The following ZNF687 variants were observed in gnomAD, a reference collection of about 807,000 sequenced individuals.
ZNF687 encodes the protein zinc finger protein 687.
In ZNF687, 13 loss-of-function variants were observed where a neutral mutation model predicts 71.8. The observed-to-expected ratio is 0.18, with a 90% CI of 0.12 to 0.29. The LOEUF is 0.29. Ranked by LOEUF, ZNF687 falls within the 10% of genes least tolerant of loss-of-function variation. The probability of loss-of-function intolerance (pLI) is 1.00; values close to 1 mark genes in which losing one functional copy is unlikely to be tolerated. For synonymous variants in ZNF687, 673 were observed against 641.6 expected, an observed-to-expected ratio of 1.05 and a Z score of -0.74; for missense variants, 1,412 against 1,625.6, an observed-to-expected ratio of 0.87 and a Z score of 2.26.
Position 151,289,831 on chromosome 1 carries a change from GA to G in ZNF687, c.2790del (p.Val931TyrfsTer18). The G allele has an allele frequency of 1.3e-6, 2 of 1,569,492 alleles. No individual in the cohort carries two copies. The highest frequency in any genetic ancestry group is 1.7e-6 in the Non-Finnish European group (2 of 1,156,636). On this transcript the variant is annotated frameshift_variant, in exon 6 of 9. Coordinates refer to ENST00000336715, the MANE Select transcript of ZNF687 (RefSeq NM_020832.3). LOFTEE classifies it high-confidence loss of function. ...EESSSSSEEE[E>X]VPSSPEPPRP... ...GTCGTCTTCATCTTCAGAAGAGGAG[GA>G]AGTACCCAGCTCCCCTGAGCCCCCC...
At chr1:151,290,258 C>T (rs375539369) in intron 7 of ZNF687, 24 bp downstream of exon 7, 117 of 1,612,514 alleles carry the variant, frequency 7.3e-5, no homozygotes, top group Non-Finnish European at 9.3e-5. Context: ...CCCGCTTCCT[C>T]TTCCTGCCCA....
rs763426689 is a variant in ZNF687 at position 151,288,209 on chromosome 1, A to G, written c.1918A>G (p.Ile640Val). ...LPALGKGEGA[I>V]TSSAITTVAA... ...TGCCTTGGGCAAGGGTGAGGGGGCC[A>G]TCACCTCCTCTGCCATTACTACAGT... The change falls in exon 2 of 9, where the codon ATC becomes GTC. Residue 640 changes from isoleucine (I) to valine (V), a missense_variant. Transcript: ENST00000336715. 8.1e-6 allele frequency: 13 copies of G among 1,613,658 alleles called. No individual in the cohort carries two copies. The African/African-American group carries it at 1.1e-4, about 13-fold the overall frequency.
chr1:151,286,704 C>T lies in ZNF687; in HGVS notation c.413C>T (p.Pro138Leu), dbSNP rs1174440019. ...CCTGAACCTTCCCTCCCAGGAACTC[C>T]CCACTCTCCTGCTCCTCCCAGTGGG... ...GSPEPSLPGT[P>L]HSPAPPSGGT... Residue 138 changes from proline to leucine, a missense_variant, in exon 2 of 9, where the codon CCC becomes CTC. Pro to Leu is a moderately conservative substitution (Grantham distance 98, BLOSUM62 -3). This residue lies in a region of ZNF687 where 490 missense variants were observed against 489.9 expected (regional missense o/e 1.00). Transcript: ENST00000336715. 6 of 1,614,062 alleles carry T rather than the reference C, an allele frequency of 3.7e-6. No individual in the cohort carries two copies. The highest frequency in any genetic ancestry group is 1.7e-5 in the Admixed American group (1 of 60,002).
chr1:151,290,801 C>G lies in ZNF687; in HGVS notation c.3306C>G (p.Gly1102=). Residue 1102 remains glycine, a synonymous_variant, in exon 9 of 9, where the codon GGC becomes GGG. Coordinates refer to ENST00000336715, the MANE Select transcript of ZNF687 (RefSeq NM_020832.3). ...STTPPAKSPR[G]GPGSGGHGPL... ...CACCGCCAGCCAAGTCCCCCAGGGG[C>G]GGACCTGGATCTGGAGGCCATGGCC... 6.2e-7 allele frequency: 1 copy of G among 1,613,852 alleles called. No individual in the cohort carries two copies. Among genetic ancestry groups the G allele is most frequent in the Non-Finnish European group, 8.5e-7 (1 of 1,180,012 alleles).
At position 151,291,082 on chromosome 1, in the gene ZNF687, C is replaced by T. The variant is rs952678933; in HGVS notation, c.3587C>T (p.Ser1196Phe). 19 of 1,613,780 alleles carry T rather than the reference C, an allele frequency of 1.2e-5. No homozygotes were observed. Among genetic ancestry groups the T allele is most frequent in the Non-Finnish European group, 1.6e-5 (19 of 1,180,024 alleles). The change falls in exon 9 of 9, where the codon TCT (serine) becomes TTT (phenylalanine). Residue 1196 changes from serine (S) to phenylalanine (F), a missense_variant. Ser to Phe is a radical substitution (Grantham distance 155). Coordinates refer to ENST00000336715, the MANE Select transcript of ZNF687 (RefSeq NM_020832.3). ...PDGGDSPLPASGGPLTCKVCG... is the reference protein window; with the variant it reads ...PDGGDSPLPAFGGPLTCKVCG... Reference sequence around the variant, plus strand: ...GGTGGAGACTCACCCCTGCCTGCTTCTGGAGGCCCACTGACCTGTAAGGTC... The same window carrying T: ...GGTGGAGACTCACCCCTGCCTGCTTTTGGAGGCCCACTGACCTGTAAGGTC...
intron 1 of ZNF687, chr1:151,284,026 T>A (rs2101861049): frequency 1.0e-6 from 1 of 985,490 alleles, no homozygotes; most frequent in East Asian, 1.1e-4. Context: ...AACTCTGAGC[T>A]GGCCTGCTTG....
chr1:151,291,305 A>AGT lies in ZNF687; in HGVS notation c.*96_*97insGT. On this transcript the variant is annotated 3_prime_UTR_variant, in exon 9 of 9. Coordinates refer to ENST00000336715, the MANE Select transcript of ZNF687 (RefSeq NM_020832.3). ...CGGCTGGGGAGTTTTCATTAACATT[A>AGT]ATATTTTGTTAATTCCTGTCTCTCC... is the stretch of plus-strand genomic sequence containing the variant. 7.0e-7 allele frequency: 1 copy of AGT among 1,437,972 alleles called. No homozygotes were observed. Among genetic ancestry groups the AGT allele is most frequent in the Non-Finnish European group, 9.3e-7 (1 of 1,078,060 alleles). The allele number at this position is 1,437,972 out of a possible 1,614,324, so 89.1% of individuals were successfully genotyped here.
intron 1 of ZNF687, 33 bp downstream of exon 1, chr1:151,282,428 G>A: frequency 1.0e-6 from 1 of 986,010 alleles, no homozygotes; most frequent in Non-Finnish European, 1.2e-6. Context: ...CCCGCCCTTG[G>A]CTCCGCCCCC....
At chr1:151,283,883 G>C (rs1693838085) in intron 1 of ZNF687, 1 of 985,378 alleles carries the variant, frequency 1.0e-6, no homozygotes, top group African/African-American at 1.7e-5. Context: ...GGAGAGAGGT[G>C]GGAGAGCTGG....
chr1:151,286,216 G>A (rs1248828889), intron 1 of ZNF687, 59 bp from the exon 2 acceptor site: 10 of 1,392,382 alleles, frequency 7.2e-6, no homozygotes, highest in Admixed American at 4.7e-5. Flanking sequence ...TGAGGGAAGA[G>A]CTCCAGGATC....
chr1:151,290,050 T>G (rs748313023), intron 6 of ZNF687, 43 bp downstream of exon 6: 1 of 1,607,088 alleles, frequency 6.2e-7, no homozygotes, highest in Non-Finnish European at 8.5e-7. Context: ...GGGGGCAGCA[T>G]TGGGACTGCC....
rs879589841 is a variant in ZNF687, at chr1:151,288,612, G to A, written c.2200G>A (p.Val734Ile). 7 of 1,614,020 alleles carry A rather than the reference G, an allele frequency of 4.3e-6. No individual in the cohort carries two copies. Among genetic ancestry groups the A allele is most frequent in the Middle Eastern group, 1.6e-4 (1 of 6,084 alleles). The change falls in exon 3 of 9, where the codon GTC (valine) becomes ATC (isoleucine). Residue 734 changes from valine to isoleucine, a missense_variant. Around this residue, in one of 8 missense-constraint regions of ZNF687, gnomAD observed 207 missense variants for 239.2 expected, o/e 0.87. Transcript: ENST00000336715. The part of the protein sequence containing the change: ...QRMHKNRPPH[V>I]CPECGGNFLQ... ...CATGCATAAGAATCGACCCCCCCAT[G>A]TCTGTCCTGAGTGTGGGGGCAACTT...
intron 1 of ZNF687, chr1:151,286,034 C>G (rs587749014): frequency 8.7e-6 from 3 of 343,118 alleles, no homozygotes; most frequent in South Asian, 1.9e-4. Context: ...TCTAAGAACT[C>G]TCTTTTCCCC....
chr1:151,289,091 C>G lies in ZNF687; in HGVS notation c.2295-4C>G. ...CACCACAGGGCCTCCTGCTTCCTCC[C>G]TAGGTGCCCCAGCTGTTCAGTGGTG... On this transcript the variant is annotated splice_region_variant and splice_polypyrimidine_tract_variant and intron_variant, in intron 3 of 8. Coordinates refer to ENST00000336715, the MANE Select transcript of ZNF687 (RefSeq NM_020832.3). 6.2e-7 allele frequency: 1 copy of G among 1,613,490 alleles called. No homozygotes were observed. Among genetic ancestry groups the G allele is most frequent in the Non-Finnish European group, 8.5e-7 (1 of 1,179,582 alleles).
intron 1 of ZNF687, chr1:151,283,784 C>T (rs1693833037): frequency 3.1e-6 from 3 of 976,114 alleles, no homozygotes. Context: ...GGGAGGACTC[C>T]CCCTTTGGTT....
chr1:151,284,761 C>T lies in ZNF687; in HGVS notation c.-17-1514C>T, dbSNP rs1279968263. On this transcript the variant is annotated intron_variant, in intron 1 of 8. Transcript: ENST00000336715. ...ATTTTGTATTATGCTCAGAATAACC[C>T]TATGATACATAGATCACTTGTGCTC... Among the ~76,000 whole-genome samples, 4 of 149,254 alleles carry T rather than the reference C, an allele frequency of 2.7e-5. No homozygotes were observed. The East Asian group carries it at 7.8e-4, about 29-fold the overall frequency.
chr1:151,291,249 G>C lies in ZNF687; in HGVS notation c.*40G>C. ...GACTGACCAGCCCCTTCCTCTTGGAGCCTGGTTTTCCCTACTGCTGCCTGA... is the reference window on the plus strand; with the variant it reads ...GACTGACCAGCCCCTTCCTCTTGGACCCTGGTTTTCCCTACTGCTGCCTGA... On this transcript the variant is annotated 3_prime_UTR_variant, in exon 9 of 9. Transcript: ENST00000336715. The C allele has an allele frequency of 1.3e-6, 2 of 1,551,886 alleles. No individual in the cohort carries two copies. Among genetic ancestry groups the C allele is most frequent in the Non-Finnish European group, 1.7e-6 (2 of 1,148,332 alleles).
Position 151,287,764 on chromosome 1 carries a change from A to T in ZNF687, c.1473A>T (p.Ser491=), listed in dbSNP as rs144994348. The part of the protein sequence containing the change: ...GPSTGGGTVI[S]RTQSSLVEAF... ...GTACAGGGGGCGGCACAGTGATATC[A>T]CGGACCCAGTCCAGCCTGGTGGAGG... The change falls in exon 2 of 9, where the codon TCA becomes TCT. Residue 491 remains serine (S), a synonymous_variant. Transcript: ENST00000336715. This position sits in a 1 kb window ranked among gnomAD's most constrained non-coding sequence, Gnocchi z 5.0. 249 of 1,614,144 alleles carry T rather than the reference A, an allele frequency of 1.5e-4. 1 individual carries two copies. The highest frequency in any genetic ancestry group is 1.4e-3 in the South Asian group (132 of 91,086).
chr1:151,287,778 G>A lies in ZNF687; in HGVS notation c.1487G>A (p.Ser496Asn). ...GGTVISRTQS[S>N]LVEAFNKILN... ...ACAGTGATATCACGGACCCAGTCCA[G>A]CCTGGTGGAGGCCTTCAACAAGATC... is the stretch of plus-strand genomic sequence containing the variant. The change falls in exon 2 of 9, where the codon AGC (serine) becomes AAC (asparagine). Residue 496 changes from serine to asparagine, a missense_variant. This residue lies in a region of ZNF687 where 133 missense variants were observed against 155.1 expected (regional missense o/e 0.86). Transcript: ENST00000336715. The surrounding 1 kb of genome is among the most constrained non-coding windows in gnomAD (Gnocchi z 5.0). 2 of 1,614,112 alleles carry A rather than the reference G, an allele frequency of 1.2e-6. No homozygotes were observed. Among genetic ancestry groups the A allele is most frequent in the African/African-American group, 2.7e-5 (2 of 75,042 alleles).
Sources: gnomAD v4.1 joint callset for allele counts (sites outside exome capture counted in the v4.1 genomes callset) on GRCh38, gnomAD v4.1.1 for gene constraint, gnomAD v4.1.1 regional missense constraint, Gnocchi (gnomAD v3.1) non-coding constraint, MANE v1.5 for transcripts, NCBI Gene and HGNC (gene_info 2026-07-23, HGNC 2026-07-21) for gene names.